Variants in PCDH15 observed in about 807,000 individuals in gnomAD.
PCDH15 encodes protocadherin related 15, also known as protocadherin-15.
In PCDH15, 129 loss-of-function variants were observed where a neutral mutation model predicts 178.5. The ratio of observed to expected loss-of-function variants is 0.72; its 90% CI spans 0.63 to 0.84. PCDH15 has a LOEUF of 0.84. Among genes scored for constraint, PCDH15 ranks in the 40% least tolerant of loss-of-function variants. PCDH15 has a pLI of 0.00. For synonymous variants in PCDH15, 800 were observed against 732.0 expected (o/e 1.09, Z -1.50); for missense variants, 2,230 against 2,099.9 (o/e 1.06, Z -1.21).
At chr10:53,992,611 A>T (rs575596599) in intron 21 of PCDH15, among the ~76,000 whole-genome samples, 2 of 152,280 alleles carry the variant, frequency 1.3e-5, no homozygotes, top group East Asian at 1.9e-4. Flanking sequence ...CTCCTCATAA[A>T]TGCAGTTTCA....
chr10:54,096,263 T>C, intron 15 of PCDH15, among the ~76,000 whole-genome samples: 1 of 151,822 alleles, frequency 6.6e-6, no homozygotes, highest in Non-Finnish European at 1.5e-5. Flanking sequence ...AATTTCCCAG[T>C]ATCCCTTTTG....
At chr10:54,774,030 T>C (rs1194375463) in intron 1 of PCDH15, among the ~76,000 whole-genome samples, 1 of 70,392 alleles carries the variant, frequency 1.4e-5, no homozygotes, top group Admixed American at 1.4e-4. Context: ...TTTTTTTTTT[T>C]TTTTTTTTTT....
At chr10:54,410,875 TGACC>T (rs889341330) in intron 3 of PCDH15, among the ~76,000 whole-genome samples, 1 of 120,928 alleles carries the variant, frequency 8.3e-6, no homozygotes, top group Non-Finnish European at 1.8e-5. Flanking sequence ...ATAAGGACTC[TGACC>T]GAGCTGGCAT....
At position 54,236,811 on chromosome 10, in the gene PCDH15, T is replaced by C; in HGVS notation, c.985+12A>G. The C allele has an allele frequency of 1.9e-6, 3 of 1,587,388 alleles. No homozygotes were observed. Among genetic ancestry groups the C allele is most frequent in the Non-Finnish European group, 2.6e-6 (3 of 1,155,828 alleles). ...GAATAACTGATAGTGTAAAATGTTA[T>C]CAGATACAAACCAACAAGGATGGAA... On this transcript the variant is annotated intron_variant, in intron 9 of 37. Coordinates refer to ENST00000644397, the MANE Select transcript of PCDH15 (RefSeq NM_001384140.1).
intron 2 of PCDH15, among the ~76,000 whole-genome samples, chr10:55,523,626 T>C (rs1841235572): frequency 6.6e-6 from 1 of 151,700 alleles, no homozygotes; most frequent in South Asian, 2.1e-4. Flanking sequence ...TACTCTTTGA[T>C]GAACAACTTG....
intron 35 of PCDH15, among the ~76,000 whole-genome samples, chr10:53,812,512 C>T (rs2075908022): frequency 6.6e-6 from 1 of 152,026 alleles, no homozygotes; most frequent in Non-Finnish European, 1.5e-5. Context: ...TGTGCCTGGC[C>T]TCTAAATTTA....
At chr10:53,951,297 C>A in intron 23 of PCDH15, among the ~76,000 whole-genome samples, 1 of 151,714 alleles carries the variant, frequency 6.6e-6, no homozygotes, top group East Asian at 1.9e-4. Context: ...GGGATATTAC[C>A]CGGACTTAAT....
chr10:54,192,409 G>A lies in PCDH15; in HGVS notation c.1305+3274C>T, dbSNP rs140721855. On this transcript the variant is annotated intron_variant, in intron 11 of 37. Transcript: ENST00000644397. ...GTGGTGGTTATAAGGATAGAGAGAA[G>A]AAAAGAGATTAAATAAATAATTAGG... 3.6e-3 allele frequency among the ~76,000 whole-genome samples: 547 copies of A among 152,104 alleles called. 2 individuals carry two copies. The highest frequency in any genetic ancestry group is 0.014 in the Middle Eastern group (4 of 294).
intron 2 of PCDH15, among the ~76,000 whole-genome samples, chr10:55,088,611 G>T (rs1344686326): frequency 2.0e-5 from 3 of 151,166 alleles, no homozygotes; most frequent in African/African-American, 7.3e-5. Flanking sequence ...TGTATAGCTG[G>T]TGAGATACTC....
At chr10:54,981,773 C>A (rs1233869889) in intron 2 of PCDH15, among the ~76,000 whole-genome samples, 1 of 151,794 alleles carries the variant, frequency 6.6e-6, no homozygotes, top group African/African-American at 2.4e-5. Context: ...AACCCCCCAC[C>A]TCCTTTAATT....
intron 2 of PCDH15, among the ~76,000 whole-genome samples, chr10:55,536,138 C>T (rs1372705543): frequency 6.6e-6 from 1 of 151,722 alleles, no homozygotes; most frequent in African/African-American, 2.4e-5. Flanking sequence ...TTTTAAGATG[C>T]CTAAAGGACA....
intron 2 of PCDH15, among the ~76,000 whole-genome samples, chr10:55,334,280 G>GTGTGTGTGTA (rs1554854103): frequency 7.7e-5 from 10 of 130,052 alleles, no homozygotes; most frequent in African/African-American, 3.1e-4. Flanking sequence ...GTGTGTGTGT[G>GTGTGTGTGTA]TGTGTATGTG....
At chr10:55,484,716 C>G (rs1203028271) in intron 2 of PCDH15, among the ~76,000 whole-genome samples, 2 of 151,538 alleles carry the variant, frequency 1.3e-5, no homozygotes, top group Non-Finnish European at 1.5e-5. Flanking sequence ...AATAGGGAAC[C>G]CAGATATAAA....
chr10:54,306,633 A>G (rs1472021252), intron 8 of PCDH15, among the ~76,000 whole-genome samples: 3 of 151,926 alleles, frequency 2.0e-5, no homozygotes, highest in African/African-American at 7.2e-5. Flanking sequence ...TCACATCAAT[A>G]TCTAGATATA....
rs146085936 is a variant in PCDH15, at chr10:55,490,805, T to C, written c.-156+136820A>G. On this transcript the variant is annotated intron_variant, in intron 2 of 5. Coordinates refer to the PCDH15 transcript ENST00000613346. The stretch of plus-strand genomic sequence containing the variant: ...ATGGTTCCAAGAAGGTCAATAAAGC[T>C]TAAGGAAGATAAACACAAATAAAAT... 4.6e-3 allele frequency among the ~76,000 whole-genome samples: 701 copies of C among 151,710 alleles called. 7 individuals carry two copies. The East Asian group carries it at 0.049, about 11-fold the overall frequency.
At chr10:55,521,356 A>G (rs1258674060) in intron 2 of PCDH15, among the ~76,000 whole-genome samples, 1 of 151,724 alleles carries the variant, frequency 6.6e-6, no homozygotes, top group East Asian at 1.9e-4. Flanking sequence ...AAAGTATTTT[A>G]AAGTCAGAAA....
intron 1 of PCDH15, among the ~76,000 whole-genome samples, chr10:54,685,039 A>G (rs1565938064): frequency 6.6e-6 from 1 of 151,770 alleles, no homozygotes; most frequent in African/African-American, 2.4e-5. Context: ...AAAATTATTA[A>G]TTTAATTTTT....
At chr10:54,277,604 G>GT (rs1422226864) in intron 8 of PCDH15, among the ~76,000 whole-genome samples, 1 of 151,572 alleles carries the variant, frequency 6.6e-6, no homozygotes, top group African/African-American at 2.4e-5. Flanking sequence ...AAACAGTGTT[G>GT]TTTACCCGAA....
At chr10:55,162,369 T>G (rs1238742167) in intron 2 of PCDH15, among the ~76,000 whole-genome samples, 1 of 152,198 alleles carries the variant, frequency 6.6e-6, no homozygotes, top group African/African-American at 2.4e-5. Flanking sequence ...TAAAACAAAA[T>G]GTATTTTTTT....
Sources: allele counts gnomAD v4.1 joint callset (sites outside exome capture counted in the v4.1 genomes callset), GRCh38; gene constraint gnomAD v4.1.1; transcripts MANE v1.5; gene names NCBI Gene and HGNC (gene_info 2026-07-23, HGNC 2026-07-21).